Variants in EPHA4 observed in about 807,000 individuals in gnomAD.
EPHA4 encodes EPH receptor A4.
A neutral mutation model predicts 108.3 loss-of-function variants in EPHA4; 19 were observed. The ratio of observed to expected loss-of-function variants is 0.18; its 90% CI spans 0.12 to 0.26. The LOEUF (loss-of-function observed/expected upper bound fraction) is 0.26. Among genes scored for constraint, EPHA4 ranks in the 10% least tolerant of loss-of-function variants. The pLI, the probability that EPHA4 is intolerant of heterozygous loss-of-function variation, is 1.00. For synonymous variants in EPHA4, 449 were observed against 455.5 expected (o/e 0.99, Z 0.18); for missense variants, 917 against 1,254.0 (o/e 0.73, Z 4.06).
intron 11 of EPHA4, among the ~76,000 whole-genome samples, chr2:221,438,931 C>T (rs1690329732): frequency 6.6e-6 from 1 of 152,180 alleles, no homozygotes. Context: ...CCCAGTGATT[C>T]CATCAGCTTA....
intron 3 of EPHA4, among the ~76,000 whole-genome samples, chr2:221,505,020 C>A (rs1692588707): frequency 6.6e-6 from 1 of 152,166 alleles, no homozygotes; most frequent in Non-Finnish European, 1.5e-5. Context: ...CATCCTCTTG[C>A]TGCCTTTATC....
rs940891784 is a variant in EPHA4 at position 221,519,360 on chromosome 2, G to A, written c.824-18188C>T. 9.2e-5 allele frequency among the ~76,000 whole-genome samples: 14 copies of A among 152,256 alleles called. No homozygotes were observed. In the South Asian group the frequency reaches 1.2e-3, roughly 14 times the overall value. On this transcript the variant is annotated intron_variant, in intron 3 of 17. Coordinates refer to ENST00000281821, the MANE Select transcript of EPHA4 (RefSeq NM_004438.5). ...AATGATGGACAGTTTCTGAAAAGGG[G>A]CATTTGGACCTTAAGTCGGAGACAA...
chr2:221,544,661 A>G (rs1693935366), intron 3 of EPHA4, among the ~76,000 whole-genome samples: 1 of 152,180 alleles, frequency 6.6e-6, no homozygotes, highest in Non-Finnish European at 1.5e-5. Context: ...AAGAAGAAAT[A>G]CATGAATGTG....
At chr2:221,445,925 C>G (rs530502822) in intron 9 of EPHA4, among the ~76,000 whole-genome samples, 198 bp downstream of exon 9, 14 of 152,144 alleles carry the variant, frequency 9.2e-5, no homozygotes, top group Non-Finnish European at 2.1e-4. Context: ...AACTTCTCTA[C>G]CTCATCCCAC....
At chr2:221,554,876 C>A (rs145635325) in intron 3 of EPHA4, among the ~76,000 whole-genome samples, 52 of 152,220 alleles carry the variant, frequency 3.4e-4, no homozygotes, top group African/African-American at 1.2e-3. Context: ...ATTTTCAGAA[C>A]TTCCTGAGCT....
intron 3 of EPHA4, among the ~76,000 whole-genome samples, chr2:221,529,698 T>G (rs1194513449): frequency 6.6e-6 from 1 of 152,224 alleles, no homozygotes; most frequent in Non-Finnish European, 1.5e-5. Flanking sequence ...GCTTGCTCAC[T>G]GTAGTAGCTT....
At chr2:221,551,719 T>G (rs897879500) in intron 3 of EPHA4, among the ~76,000 whole-genome samples, 2 of 152,168 alleles carry the variant, frequency 1.3e-5, no homozygotes, top group African/African-American at 4.8e-5. Context: ...CTTTATCCTA[T>G]GGAGGAAAAC....
At chr2:221,438,021 T>A (rs1690300473) in intron 11 of EPHA4, among the ~76,000 whole-genome samples, 1 of 152,176 alleles carries the variant, frequency 6.6e-6, no homozygotes, top group Non-Finnish European at 1.5e-5. Context: ...TAGCTATGAA[T>A]AAACTTGCTT....
Position 221,572,265 on chromosome 2 carries a change from C to T in EPHA4, c.-17G>A, listed in dbSNP as rs775864922. On this transcript the variant is annotated 5_prime_UTR_variant, in exon 1 of 18. Coordinates refer to ENST00000281821, the MANE Select transcript of EPHA4 (RefSeq NM_004438.5). ...CCCAGCCATGGTTCGCCGGTGCCAA[C>T]GCTGCTCCTGCCGCTTCTATCCCAG... The T allele has an allele frequency of 1.2e-6, 2 of 1,604,084 alleles. No homozygotes were observed. The highest frequency in any genetic ancestry group is 3.3e-5 in the Admixed American group (2 of 60,026).
At chr2:221,459,616 A>C (rs906714771) in intron 5 of EPHA4, among the ~76,000 whole-genome samples, 1 of 152,110 alleles carries the variant, frequency 6.6e-6, no homozygotes, top group Non-Finnish European at 1.5e-5. Flanking sequence ...CCTGGTTGAC[A>C]CAAAGCCATT....
intron 5 of EPHA4, among the ~76,000 whole-genome samples, chr2:221,471,540 G>T (rs1323234056): frequency 6.6e-6 from 1 of 152,140 alleles, no homozygotes; most frequent in Non-Finnish European, 1.5e-5. Context: ...ATAGGTAGAG[G>T]AAAAAGAAGT....
intron 3 of EPHA4, among the ~76,000 whole-genome samples, chr2:221,536,068 T>C (rs891231507): frequency 1.3e-5 from 2 of 152,188 alleles, no homozygotes; most frequent in Non-Finnish European, 2.9e-5. Context: ...CAAGTTCCTA[T>C]TCTTGGAAGC....
rs35863765 is a variant in EPHA4 at position 221,564,041 on chromosome 2, C to A, written c.513G>T (p.Arg171=). The change falls in exon 3 of 18, where the codon CGG becomes CGT. Residue 171 remains arginine (R), a synonymous_variant. Coordinates refer to ENST00000281821, the MANE Select transcript of EPHA4 (RefSeq NM_004438.5). ...CCTTTTTGCTTAATGGCCCTACATCCCGGATCTCGGTGTTCAGCTTCATGA... is the reference window on the plus strand; with the variant it reads ...CCTTTTTGCTTAATGGCCCTACATCACGGATCTCGGTGTTCAGCTTCATGA... ...DRIMKLNTEI[R]DVGPLSKKGF... The A allele has an allele frequency of 4.0e-5, 64 of 1,613,922 alleles. No individual in the cohort carries two copies. The highest frequency in any genetic ancestry group is 5.1e-5 in the Non-Finnish European group (60 of 1,180,032).
At chr2:221,542,350 A>C (rs1191543372) in intron 3 of EPHA4, among the ~76,000 whole-genome samples, 1 of 152,252 alleles carries the variant, frequency 6.6e-6, no homozygotes, top group Non-Finnish European at 1.5e-5. Context: ...TAGATGACCC[A>C]GTTTCAAGGT....
intron 5 of EPHA4, among the ~76,000 whole-genome samples, chr2:221,463,238 G>A (rs1471495100): frequency 2.0e-5 from 3 of 152,094 alleles, no homozygotes; most frequent in African/African-American, 7.2e-5. Context: ...TTTAAAAAAC[G>A]ATGAAGCAAA....
rs1689633597 is a variant in EPHA4 at position 221,418,100 on chromosome 2, A to G, written c.*3272T>C. The G allele has an allele frequency of 6.6e-6, 1 of 152,656 alleles. No individual in the cohort carries two copies. The highest frequency in any genetic ancestry group is 1.5e-5 in the Non-Finnish European group (1 of 68,036). The allele number at this position is 152,656 out of a possible 1,614,324, so 9.5% of individuals were successfully genotyped here. On this transcript the variant is annotated 3_prime_UTR_variant, in exon 18 of 18. Coordinates refer to ENST00000281821, the MANE Select transcript of EPHA4 (RefSeq NM_004438.5). ...CTTTGCATTTAGTTTGCTATTTTAC[A>G]ATTTTACAAACTAGGTATAAAAGAC...
chr2:221,462,856 C>T (rs1691191269), intron 5 of EPHA4, among the ~76,000 whole-genome samples: 1 of 152,218 alleles, frequency 6.6e-6, no homozygotes, highest in African/African-American at 2.4e-5. Context: ...TGAGCTTCTG[C>T]TCTTTAGGCT....
intron 3 of EPHA4, among the ~76,000 whole-genome samples, chr2:221,526,604 T>C (rs549070619): frequency 1.3e-5 from 2 of 151,510 alleles, no homozygotes; most frequent in South Asian, 2.1e-4. Context: ...CCCAGCACTT[T>C]GGGAGGCCGA....
At chr2:221,534,707 C>T (rs1478828722) in intron 3 of EPHA4, among the ~76,000 whole-genome samples, 2 of 152,198 alleles carry the variant, frequency 1.3e-5, no homozygotes, top group African/African-American at 4.8e-5. Context: ...AGGGCTGTCA[C>T]ATTTAGCTGA....
Sources: gnomAD v4.1 joint callset for allele counts (sites outside exome capture counted in the v4.1 genomes callset) on GRCh38, gnomAD v4.1.1 for gene constraint, MANE v1.5 for transcripts, NCBI Gene and HGNC (gene_info 2026-07-23, HGNC 2026-07-21) for gene names.